Variants in SNX24 observed in about 807,000 individuals in gnomAD.
SNX24 encodes the protein sorting nexin-24.
SNX24 carries 22 observed loss-of-function variants against 28.7 expected under a neutral mutation model. The ratio of observed to expected loss-of-function variants is 0.77; its 90% CI spans 0.55 to 1.10. The LOEUF is 1.10. Among genes scored for constraint, SNX24 ranks in the 50% least tolerant of loss-of-function variants. SNX24 has a pLI of 0.00. For synonymous variants in SNX24, 69 were observed against 71.5 expected, an observed-to-expected ratio of 0.96 and a Z score of 0.18; for missense variants, 221 against 201.1, an observed-to-expected ratio of 1.10 and a Z score of -0.60.
At chr5:122,922,254 T>C (rs983122940) in intron 1 of SNX24, among the ~76,000 whole-genome samples, 1 of 152,116 alleles carries the variant, frequency 6.6e-6, no homozygotes. Context: ...GTGGGGTTTT[T>C]GTTTGTTTGT....
intron 1 of SNX24, among the ~76,000 whole-genome samples, chr5:122,882,403 G>C (rs562251702): frequency 6.6e-6 from 1 of 152,316 alleles, no homozygotes; most frequent in African/African-American, 2.4e-5. Flanking sequence ...GACAGTGCTG[G>C]CTACTTGGAG....
At chr5:122,964,247 CAAAAAAAA>C (rs34174497) in intron 3 of SNX24, among the ~76,000 whole-genome samples, 2 of 36,578 alleles carry the variant, frequency 5.5e-5, no homozygotes, top group South Asian at 1.1e-3. Context: ...GACTCCATCT[CAAAAAAAA>C]AAAAAAAAAA....
chr5:122,894,083 G>A (rs916234829), intron 1 of SNX24, among the ~76,000 whole-genome samples: 1 of 151,320 alleles, frequency 6.6e-6, no homozygotes, highest in African/African-American at 2.4e-5. Flanking sequence ...GTATTGTTAT[G>A]TAATCAATTT....
At chr5:122,933,996 T>G (rs1219796307) in intron 1 of SNX24, among the ~76,000 whole-genome samples, 2 of 151,988 alleles carry the variant, frequency 1.3e-5, no homozygotes, top group African/African-American at 2.4e-5. Flanking sequence ...TTGGCCAGGC[T>G]TGTCTTGAAC....
At chr5:122,930,232 GC>G (rs1156583558) in intron 1 of SNX24, among the ~76,000 whole-genome samples, 2 of 152,146 alleles carry the variant, frequency 1.3e-5, no homozygotes, top group Admixed American at 6.5e-5. Flanking sequence ...TTGACTAGCA[GC>G]CTTTTGCTTT....
chr5:123,007,659 C>CTTT, intron 6 of SNX24, 23 bp from the exon 7 acceptor site: 6 of 1,153,086 alleles, frequency 5.2e-6, no homozygotes, highest in Non-Finnish European at 4.8e-6. Flanking sequence ...TTTTTTTTTT[C>CTTT]TTTTTTTTTT....
At chr5:122,965,749 T>TA (rs1281444777) in intron 3 of SNX24, among the ~76,000 whole-genome samples, 4 of 152,206 alleles carry the variant, frequency 2.6e-5, no homozygotes, top group African/African-American at 9.6e-5. Context: ...GACAATGGTG[T>TA]AAAAAAAATC....
intron 1 of SNX24, among the ~76,000 whole-genome samples, chr5:122,864,434 A>G (rs1347981962): frequency 6.6e-6 from 1 of 152,240 alleles, no homozygotes; most frequent in Non-Finnish European, 1.5e-5. Context: ...CGATTTATCA[A>G]GACAGGGGAA....
intron 1 of SNX24, among the ~76,000 whole-genome samples, chr5:122,899,930 A>G (rs1757360874): frequency 6.6e-6 from 1 of 152,210 alleles, no homozygotes; most frequent in African/African-American, 2.4e-5. Context: ...CCCATTTTAA[A>G]AATCTTGATC....
chr5:122,853,599 G>A (rs1285995673), intron 1 of SNX24: 4 of 298,712 alleles, frequency 1.3e-5, no homozygotes, highest in South Asian at 2.8e-5. Flanking sequence ...TTTTCATTGA[G>A]CTAGAAATAT....
chr5:122,977,775 A>G (rs1373898550), intron 3 of SNX24, among the ~76,000 whole-genome samples: 2 of 152,234 alleles, frequency 1.3e-5, no homozygotes, highest in African/African-American at 4.8e-5. Context: ...AATTAGGTAT[A>G]CTTCTAAGAT....
intron 1 of SNX24, chr5:122,853,678 G>A (rs1159570553): frequency 5.1e-6 from 2 of 395,964 alleles, no homozygotes; most frequent in South Asian, 3.7e-5. Context: ...GTACAGGTGA[G>A]GGTCTTGCAG....
At chr5:123,021,110 C>CT (rs55745175) in intron 5 of SNX24, among the ~76,000 whole-genome samples, 9 of 151,752 alleles carry the variant, frequency 5.9e-5, no homozygotes, top group Non-Finnish European at 7.4e-5. Context: ...CAGTTCCCCC[C>CT]CCGTCCCCAT....
At chr5:122,947,863 T>C (rs1202177194) in intron 3 of SNX24, among the ~76,000 whole-genome samples, 2 of 152,216 alleles carry the variant, frequency 1.3e-5, no homozygotes, top group African/African-American at 2.4e-5. Context: ...TTCCCCTCAT[T>C]GTATTTGACA....
intron 5 of SNX24, 78 bp from the exon 6 acceptor site, chr5:123,001,862 C>A (rs1176360078): frequency 2.5e-6 from 3 of 1,191,202 alleles, no homozygotes; most frequent in African/African-American, 1.5e-5. Flanking sequence ...GCAGTTTGAT[C>A]CCCTCAAAGC....
chr5:122,907,050 C>T (rs1319168798), intron 1 of SNX24, among the ~76,000 whole-genome samples: 1 of 152,126 alleles, frequency 6.6e-6, no homozygotes, highest in Non-Finnish European at 1.5e-5. Flanking sequence ...AAACGTTATT[C>T]CCTTTTCACT....
chr5:122,933,723 G>GT (rs928817984), intron 1 of SNX24, among the ~76,000 whole-genome samples: 5 of 151,974 alleles, frequency 3.3e-5, no homozygotes, highest in African/African-American at 1.2e-4. Context: ...AGTGTGTGGG[G>GT]TTTTTTTGTT....
Position 123,025,835 on chromosome 5 carries a change from G to A in SNX24, n.384-3403G>A. On this transcript the variant is annotated intron_variant and non_coding_transcript_variant, in intron 5 of 5. Transcript: ENST00000502387. ...CCACATGTTTGCCGTCCAACCAGGT[G>A]GGCTTGGTCAAGGTGATAAAGAACT... is the stretch of plus-strand genomic sequence containing the variant. The A allele has an allele frequency of 1.2e-6, 2 of 1,614,024 alleles. 1 individual carries two copies. The highest frequency in any genetic ancestry group is 2.2e-5 in the South Asian group (2 of 91,004).
At chr5:122,906,216 G>C (rs1461281363) in intron 1 of SNX24, among the ~76,000 whole-genome samples, 1 of 152,156 alleles carries the variant, frequency 6.6e-6, no homozygotes, top group Non-Finnish European at 1.5e-5. Flanking sequence ...GGCTGTCTGG[G>C]AACAGCCAGG....
Sources: allele counts gnomAD v4.1 joint callset (sites outside exome capture counted in the v4.1 genomes callset), GRCh38; gene constraint gnomAD v4.1.1; transcripts MANE v1.5; gene names NCBI Gene and HGNC (gene_info 2026-07-23, HGNC 2026-07-21).